DLGAP1: variants seen among roughly 807,000 people sequenced by gnomAD.
The protein encoded by DLGAP1 is disks large-associated protein 1.
DLGAP1 carries 11 observed loss-of-function variants against 90.8 expected under a neutral mutation model. That is an observed-to-expected ratio of 0.12 (90% CI 0.08 to 0.20). DLGAP1 has a LOEUF of 0.20. Among genes scored for constraint, DLGAP1 ranks in the 10% least tolerant of loss-of-function variants. The pLI is 1.00. For synonymous variants in DLGAP1, 558 were observed against 540.7 expected (o/e 1.03, Z -0.44); for missense variants, 1,050 against 1,333.8 (o/e 0.79, Z 3.31).
chr18:3,532,485 G>A (rs2052074679), intron 10 of DLGAP1, among the ~76,000 whole-genome samples: 1 of 151,832 alleles, frequency 6.6e-6, no homozygotes, highest in Admixed American at 6.6e-5. Flanking sequence ...GGCTGAGGCA[G>A]GAGAATCACT....
intron 1 of DLGAP1, among the ~76,000 whole-genome samples, chr18:4,189,315 T>C (rs1199139220): frequency 6.6e-6 from 1 of 152,160 alleles, no homozygotes; most frequent in Non-Finnish European, 1.5e-5. Flanking sequence ...TTTCTTTCTG[T>C]TTTGATTACT....
intron 1 of DLGAP1, among the ~76,000 whole-genome samples, chr18:4,382,790 C>T (rs2082156572): frequency 6.6e-6 from 1 of 152,112 alleles, no homozygotes; most frequent in South Asian, 2.1e-4. Flanking sequence ...ACAATTCTCA[C>T]TTCAGTATAC....
At chr18:4,358,412 C>T (rs533857687) in intron 1 of DLGAP1, among the ~76,000 whole-genome samples, 1 of 152,148 alleles carries the variant, frequency 6.6e-6, no homozygotes, top group South Asian at 2.1e-4. Context: ...AGTTAAAAGG[C>T]CTTTAGGGAC....
At chr18:3,921,983 C>G (rs1355476763) in intron 3 of DLGAP1, among the ~76,000 whole-genome samples, 1 of 151,322 alleles carries the variant, frequency 6.6e-6, no homozygotes, top group Non-Finnish European at 1.5e-5. Flanking sequence ...GAGAGCAGGA[C>G]AGTTGCCGCC....
chr18:3,750,475 A>G (rs990985252), intron 5 of DLGAP1, among the ~76,000 whole-genome samples: 18 of 152,122 alleles, frequency 1.2e-4, no homozygotes, highest in Admixed American at 6.5e-4. Context: ...TTTCCTTTGG[A>G]TATCTACCTG....
At chr18:3,734,506 A>C (rs1300300501) in intron 6 of DLGAP1, among the ~76,000 whole-genome samples, 1 of 151,890 alleles carries the variant, frequency 6.6e-6, no homozygotes, top group Non-Finnish European at 1.5e-5. Context: ...TTACTAACCT[A>C]CTTTCTAAAA....
intron 4 of DLGAP1, among the ~76,000 whole-genome samples, chr18:3,868,885 G>T (rs1452051322): frequency 6.6e-6 from 1 of 152,096 alleles, no homozygotes; most frequent in East Asian, 1.9e-4. Flanking sequence ...GCGACTTTGG[G>T]CACGAGCAAA....
At chr18:4,256,589 A>G (rs2078891993) in intron 1 of DLGAP1, among the ~76,000 whole-genome samples, 1 of 152,180 alleles carries the variant, frequency 6.6e-6, no homozygotes, top group South Asian at 2.1e-4. Context: ...ACTCAACTCA[A>G]GGTCCTTCTG....
rs187837747 is a variant in DLGAP1 at position 4,374,842 on chromosome 18, G to A, written c.-267+80164C>T. Among the ~76,000 whole-genome samples the A allele has an allele frequency of 7.2e-5, 11 of 152,054 alleles. No homozygotes were observed. The East Asian group carries it at 2.1e-3, about 29-fold the overall frequency. ...CATATTAGGGAGTGAAAAAAATACT[G>A]TCCTAATGAAATATAAGTATGGGTA... On this transcript the variant is annotated intron_variant, in intron 1 of 12. Transcript: ENST00000315677.
At chr18:3,995,716 C>G (rs963055864) in intron 3 of DLGAP1, 4 of 147,502 alleles carry the variant, frequency 2.7e-5, no homozygotes, top group African/African-American at 7.5e-5. Flanking sequence ...TTTGGTGCAA[C>G]GTGAGTAAAA....
chr18:4,435,920 T>G (rs1598417542), intron 1 of DLGAP1, among the ~76,000 whole-genome samples: 1 of 152,118 alleles, frequency 6.6e-6, no homozygotes, highest in African/African-American at 2.4e-5. Flanking sequence ...GCTTAGGGAC[T>G]CAAACCTAAG....
chr18:4,174,077 C>G (rs2077066094), intron 1 of DLGAP1, among the ~76,000 whole-genome samples: 1 of 152,170 alleles, frequency 6.6e-6, no homozygotes, highest in African/African-American at 2.4e-5. Context: ...CCTCCACCCT[C>G]TTTCTCCAGT....
chr18:4,201,690 G>GATTATACAA (rs1350718569), intron 1 of DLGAP1, among the ~76,000 whole-genome samples: 2 of 151,822 alleles, frequency 1.3e-5, no homozygotes, highest in Non-Finnish European at 2.9e-5. Flanking sequence ...CTCAAAAGAA[G>GATTATACAA]ATTATACAAA....
At chr18:4,044,567 C>G (rs973253475) in intron 2 of DLGAP1, among the ~76,000 whole-genome samples, 7 of 151,996 alleles carry the variant, frequency 4.6e-5, no homozygotes, top group East Asian at 3.9e-4. Context: ...ATGGTGAAAC[C>G]CTGTCTCTAC....
At position 3,727,231 on chromosome 18, in the gene DLGAP1, GC is replaced by G. The variant is rs1437908429; in HGVS notation, c.1591+1903del. ...CAACTCTATTGCTTGAGCTCTGGGAGCCTCCAGAGTATCTGAGAAGTGTCTT... is the reference window on the plus strand; with the variant it reads ...CAACTCTATTGCTTGAGCTCTGGGAGCTCCAGAGTATCTGAGAAGTGTCTT... On this transcript the variant is annotated intron_variant, in intron 7 of 12. Coordinates refer to ENST00000315677, the MANE Select transcript of DLGAP1 (RefSeq NM_004746.4). The surrounding 1 kb of genome is among the most constrained non-coding windows in gnomAD (Gnocchi z 4.7). Among the ~76,000 whole-genome samples the G allele has an allele frequency of 6.6e-6, 1 of 152,176 alleles. No individual in the cohort carries two copies. Among genetic ancestry groups the G allele is most frequent in the African/African-American group, 2.4e-5 (1 of 41,450 alleles).
chr18:3,938,012 A>T (rs2148942045), intron 3 of DLGAP1, among the ~76,000 whole-genome samples: 1 of 152,342 alleles, frequency 6.6e-6, no homozygotes, highest in Non-Finnish European at 1.5e-5. Flanking sequence ...GTTATTATGA[A>T]ATGTGGTTAT....
At chr18:3,908,337 G>T (rs548397699) in intron 3 of DLGAP1, among the ~76,000 whole-genome samples, 24 of 152,280 alleles carry the variant, frequency 1.6e-4, no homozygotes, top group African/African-American at 5.3e-4. Flanking sequence ...TTGCCATATA[G>T]GATTAAAAGT....
At chr18:4,410,777 G>C (rs1195906049) in intron 1 of DLGAP1, among the ~76,000 whole-genome samples, 2 of 152,060 alleles carry the variant, frequency 1.3e-5, no homozygotes, top group African/African-American at 4.8e-5. Context: ...GACACAATGA[G>C]AACAAACTAT....
At chr18:3,643,639 G>C (rs1338618895) in intron 7 of DLGAP1, among the ~76,000 whole-genome samples, 4 of 139,888 alleles carry the variant, frequency 2.9e-5, no homozygotes, top group Middle Eastern at 4.1e-3. Flanking sequence ...CTCCAGCCTG[G>C]GTGACAGAGC....
Sources: allele counts gnomAD v4.1 joint callset (sites outside exome capture counted in the v4.1 genomes callset), GRCh38; gene constraint gnomAD v4.1.1; non-coding constraint Gnocchi (gnomAD v3.1); transcripts MANE v1.5; gene names NCBI Gene and HGNC (gene_info 2026-07-23, HGNC 2026-07-21).